PRAMEF20: variants seen among roughly 807,000 people sequenced by gnomAD.
PRAMEF20 encodes PRAME family member 20/21.
PRAMEF20 carries 27 observed loss-of-function variants against 32.4 expected under a neutral mutation model. That is an observed-to-expected ratio of 0.83 (90% CI 0.61 to 1.15). The LOEUF is 1.15. Among genes scored for constraint, PRAMEF20 ranks in the 50% most tolerant of loss-of-function variants. The pLI, the probability that PRAMEF20 is intolerant of heterozygous loss-of-function variation, is 0.00. For synonymous variants in PRAMEF20, 256 were observed against 235.4 expected, an observed-to-expected ratio of 1.09 and a Z score of -0.80; for missense variants, 604 against 584.5, an observed-to-expected ratio of 1.03 and a Z score of -0.34.
intron 2 of PRAMEF20, among the ~76,000 whole-genome samples, chr1:13,419,462 A>T (rs1641218761): frequency 6.7e-6 from 1 of 150,332 alleles, no homozygotes; most frequent in African/African-American, 2.5e-5. Flanking sequence ...AAACAAGATA[A>T]TTTTTTTTGT....
rs573298826 is a variant in PRAMEF20, at chr1:13,417,602, CA to C, written c.288-508del. On this transcript the variant is annotated intron_variant, in intron 1 of 2. Transcript: ENST00000602960. ...TGGGCGACAGAGGGAGACTCTGTCT[CA>C]AAAAAAAAAAAGTGGAACTGGGCAG... Among the ~76,000 whole-genome samples, 232 of 123,542 alleles carry C rather than the reference CA, an allele frequency of 1.9e-3. 1 individual carries two copies. Among genetic ancestry groups the C allele is most frequent in the South Asian group, 4.2e-3 (16 of 3,806 alleles). 81.0% of individuals were successfully genotyped at this position (123,542 alleles called of 152,430 possible). A position where few individuals can be genotyped will look rare whatever the true frequency, so the allele number is the denominator to read the frequency against.
At chr1:13,416,330 A>G, upstream of PRAMEF20, 1 of 1,612,190 alleles carries the variant, frequency 6.2e-7, no homozygotes, top group East Asian at 2.2e-5. Context: ...TGTCCTCTGG[A>G]ACTTTTCTTT....
chr1:13,420,850 C>A, exon 3 of PRAMEF20: 2 of 1,613,914 alleles, frequency 1.2e-6, no homozygotes, highest in Non-Finnish European at 1.7e-6. Context: ...TTGTGCCGCT[C>A]CAAGTTCTCC....
intron 1 of PRAMEF20, 129 bp from the exon 3 acceptor site, chr1:13,417,993 C>T: frequency 2.1e-6 from 3 of 1,428,010 alleles, no homozygotes; most frequent in East Asian, 2.4e-5. Flanking sequence ...CCAGGATGTT[C>T]TCGATCTCCT....
At chr1:13,419,784 G>C (rs1053027148) in intron 2 of PRAMEF20, among the ~76,000 whole-genome samples, 1 of 152,134 alleles carries the variant, frequency 6.6e-6, no homozygotes, top group Admixed American at 6.6e-5. Context: ...GCACTGAAGA[G>C]GGGAATGCTC....
intron 2 of PRAMEF20, among the ~76,000 whole-genome samples, chr1:13,419,575 C>T (rs1158952579): frequency 6.6e-6 from 1 of 152,028 alleles, no homozygotes; most frequent in Non-Finnish European, 1.5e-5. Context: ...GTGCCCGACA[C>T]CACGCCCGGC....
exon 3 of PRAMEF20, chr1:13,420,974 T>G (rs1188580530): frequency 6.2e-7 from 1 of 1,613,624 alleles, no homozygotes; most frequent in African/African-American, 1.3e-5. Flanking sequence ...GCTCACCACC[T>G]TCAGCTTCCG....
In PRAMEF20 at chr1:13,417,910, T is replaced by TTGTGTGTGTGTGTGTGTGTGTG. The variant is rs71272484; in HGVS notation, c.288-190_288-169dup. Among the ~76,000 whole-genome samples, 322 of 124,250 alleles carry TTGTGTGTGTGTGTGTGTGTGTG rather than the reference T, an allele frequency of 2.6e-3. 2 individuals carry two copies. Among genetic ancestry groups the TTGTGTGTGTGTGTGTGTGTGTG allele is most frequent in the Middle Eastern group, 0.017 (4 of 240 alleles). 81.5% of individuals were successfully genotyped at this position (124,250 alleles called of 152,430 possible). ...GCGCCCGCCACCACGCCCGGCTAAT[T>TTGTGTGTGTGTGTGTGTGTGTG]TGTGTGTGTGTGTGTGTGTGTGTGT... On this transcript the variant is annotated intron_variant, in intron 1 of 2. Transcript: ENST00000602960.
intron 2 of PRAMEF20, 47 bp from the exon 4 acceptor site, chr1:13,420,650 T>C: frequency 6.2e-7 from 1 of 1,613,100 alleles, no homozygotes; most frequent in East Asian, 2.2e-5. Flanking sequence ...CACCCTCCAC[T>C]CACCCCTACG....
At position 13,418,562 on chromosome 1, in the gene PRAMEF20, A is replaced by T. The variant is rs1406523134; in HGVS notation, c.728A>T (p.Asp243Val). Residue 243 changes from aspartate (D) to valine (V), a missense_variant, in exon 2 of 3, where the codon GAT becomes GTT. Transcript: ENST00000602960. ...CGGAAGCTCGTTCTCTCTGACATAG[A>T]TTCTCGCTACATTTCCCCAGAGCAG... The T allele has an allele frequency of 2.5e-6, 4 of 1,613,872 alleles. No homozygotes were observed. In the East Asian group the frequency reaches 6.7e-5, roughly 27 times the overall value.
rs1218615352 is a variant in PRAMEF20, at chr1:13,420,690, T to C, written c.867-7T>C. The stretch of plus-strand genomic sequence containing the variant: ...CCCAGAACTAACTTCCTGCTCTCTC[T>C]CCCCAGCTGTCTAAAGACCTCGTTA... On this transcript the variant is annotated splice_region_variant and splice_polypyrimidine_tract_variant and intron_variant, in intron 2 of 2. Coordinates refer to ENST00000602960, the Ensembl canonical transcript of PRAMEF20. 2.0e-5 allele frequency: 32 copies of C among 1,613,652 alleles called. No individual in the cohort carries two copies. Among genetic ancestry groups the C allele is most frequent in the African/African-American group, 2.7e-5 (2 of 74,876 alleles).
chr1:13,418,530 GA>G lies in PRAMEF20; in HGVS notation c.698del (p.Asn233IlefsTer10), dbSNP rs1569868081. 6.8e-6 allele frequency: 11 copies of G among 1,613,832 alleles called. No individual in the cohort carries two copies. The highest frequency in any genetic ancestry group is 9.3e-6 in the Non-Finnish European group (11 of 1,179,866). On this transcript the variant is annotated frameshift_variant, in exon 2 of 3. Transcript: ENST00000602960. LOFTEE classifies it high-confidence loss of function. Reference sequence around the variant, plus strand: ...TTACCCCATACCTCGGCCAGATGAGGAATCTTCGGAAGCTCGTTCTCTCTGA... The same window carrying G: ...TTACCCCATACCTCGGCCAGATGAGGATCTTCGGAAGCTCGTTCTCTCTGA...
chr1:13,416,434 C>T, exon 1 of PRAMEF20: 1 of 1,613,956 alleles, frequency 6.2e-7, no homozygotes, highest in East Asian at 2.2e-5. Context: ...GCCATCTCCA[C>T]CCTGGAGGAG....
chr1:13,412,065 T>A (rs527423460), upstream of PRAMEF20, among the ~76,000 whole-genome samples: 803 of 151,750 alleles, frequency 5.3e-3, 2 homozygotes, highest in African/African-American at 0.012. Flanking sequence ...TTAATTAATT[T>A]ATTTATTTAT....
chr1:13,413,792 A>G (rs2100429194), upstream of PRAMEF20, among the ~76,000 whole-genome samples: 1 of 152,052 alleles, frequency 6.6e-6, no homozygotes, highest in African/African-American at 2.4e-5. Flanking sequence ...AGCACCCTGA[A>G]CACTGAGTCC....
Position 13,418,108 on chromosome 1 carries a change from C to A in PRAMEF20, c.288-14C>A. ...AGTCCTTAAATTCTCAGCCTCTCTT[C>A]TATTTTTCCTCAGGAGGTGGAAACT... On this transcript the variant is annotated splice_polypyrimidine_tract_variant and intron_variant, in intron 1 of 2. Transcript: ENST00000602960. The A allele has an allele frequency of 7.4e-6, 12 of 1,611,974 alleles. No individual in the cohort carries two copies. Among genetic ancestry groups the A allele is most frequent in the Non-Finnish European group, 2.5e-6 (3 of 1,179,846 alleles).
upstream of PRAMEF20, among the ~76,000 whole-genome samples, chr1:13,415,821 G>A (rs1329514099): frequency 7.3e-6 from 1 of 136,994 alleles, no homozygotes; most frequent in Non-Finnish European, 1.6e-5. Context: ...GGGAGGGAGG[G>A]AGGGATGAGG....
chr1:13,418,344 G>T, exon 2 of PRAMEF20: 1 of 1,613,804 alleles, frequency 6.2e-7, no homozygotes, highest in Non-Finnish European at 8.5e-7. Context: ...TCTTTCTATG[G>T]GTCAAGCAGA....
At position 13,417,828 on chromosome 1, in the gene PRAMEF20, G is replaced by A. The variant is rs974596393; in HGVS notation, c.288-294G>A. Among the ~76,000 whole-genome samples the A allele has an allele frequency of 1.5e-4, 21 of 143,416 alleles. 1 individual carries two copies. In the South Asian group the frequency reaches 4.7e-3, roughly 32 times the overall value. 94.1% of individuals were successfully genotyped at this position (143,416 alleles called of 152,430 possible). A position where few individuals can be genotyped will look rare whatever the true frequency, so the allele number is the denominator to read the frequency against. The stretch of plus-strand genomic sequence containing the variant: ...GCGATCTCAGCTCACTGCAAGCTCC[G>A]CCTCCCGGGTTCACATTATTCTCCT... On this transcript the variant is annotated intron_variant, in intron 1 of 2. Coordinates refer to ENST00000602960, the Ensembl canonical transcript of PRAMEF20.
Sources: gnomAD v4.1 joint callset for allele counts (sites outside exome capture counted in the v4.1 genomes callset) on GRCh38, gnomAD v4.1.1 for gene constraint, MANE v1.5 for transcripts, NCBI Gene and HGNC (gene_info 2026-07-23, HGNC 2026-07-21) for gene names.